CAMSAP1: variants seen among roughly 807,000 people sequenced by gnomAD.
CAMSAP1 encodes the protein calmodulin-regulated spectrin-associated protein 1.
CAMSAP1 carries 58 observed loss-of-function variants against 143.5 expected under a neutral mutation model. The observed-to-expected ratio is 0.40, with a 90% CI of 0.33 to 0.50. CAMSAP1 has a LOEUF of 0.50. Ranked by LOEUF, CAMSAP1 falls within the 20% of genes least tolerant of loss-of-function variation. The pLI is 0.45. For missense variants in CAMSAP1, 1,969 were observed against 2,115.7 expected, an observed-to-expected ratio of 0.93 and a Z score of 1.36; for synonymous variants, 945 against 859.3, an observed-to-expected ratio of 1.10 and a Z score of -1.74.
At chr9:135,874,868 G>C (rs1301520991) in intron 3 of CAMSAP1, among the ~76,000 whole-genome samples, 1 of 152,078 alleles carries the variant, frequency 6.6e-6, no homozygotes, top group African/African-American at 2.4e-5. Flanking sequence ...CTACGGACTA[G>C]TAACAAACAA....
At chr9:135,901,823 T>C (rs1452496010) in intron 1 of CAMSAP1, among the ~76,000 whole-genome samples, 1 of 152,134 alleles carries the variant, frequency 6.6e-6, no homozygotes, top group African/African-American at 2.4e-5. Flanking sequence ...CTGAGCACCA[T>C]AAACAATCTG....
intron 4 of CAMSAP1, 153 bp downstream of exon 4, chr9:135,866,303 G>A (rs1055109514): frequency 1.7e-6 from 1 of 589,742 alleles, no homozygotes; most frequent in African/African-American, 1.9e-5. Flanking sequence ...CTGAGGTGTG[G>A]AGAATCAGCC....
In CAMSAP1 at chr9:135,819,219, C is replaced by G. The variant is rs1835351844; in HGVS notation, c.3823-73G>C. ...CCGGACACGGCCGCACTCGACCCAG[C>G]AGCCGACTTCCACTACGCTTTTAAA... On this transcript the variant is annotated intron_variant, in intron 11 of 16. Transcript: ENST00000389532. 3.3e-6 allele frequency: 5 copies of G among 1,502,924 alleles called. No homozygotes were observed. The African/African-American group carries it at 5.6e-5, about 17-fold the overall frequency. The allele number at this position is 1,502,924 out of a possible 1,614,324, so 93.1% of individuals were successfully genotyped here.
intron 5 of CAMSAP1, among the ~76,000 whole-genome samples, chr9:135,858,011 T>G (rs759969688): frequency 3.9e-5 from 6 of 152,142 alleles, no homozygotes; most frequent in African/African-American, 1.4e-4. Flanking sequence ...TGAGCTCTCA[T>G]TGCTGGAGAC....
intron 1 of CAMSAP1, among the ~76,000 whole-genome samples, chr9:135,901,387 C>A (rs1485011754): frequency 6.6e-6 from 1 of 152,140 alleles, no homozygotes; most frequent in Non-Finnish European, 1.5e-5. Flanking sequence ...AGGAGCACTG[C>A]TTGAGCCCAG....
At position 135,883,096 on chromosome 9, in the gene CAMSAP1, T is replaced by C. The variant is rs1188157370; in HGVS notation, c.161-18A>G. 3.2e-6 allele frequency: 5 copies of C among 1,550,878 alleles called. No homozygotes were observed. Among genetic ancestry groups the C allele is most frequent in the Middle Eastern group, 3.4e-4 (2 of 5,908 alleles). ...GATGTTATCTAAGACAGGGAGGGGA[T>C]GACCAGGTGAGTGCCACACACAAGA... is the stretch of plus-strand genomic sequence containing the variant. On this transcript the variant is annotated intron_variant, in intron 1 of 16. Transcript: ENST00000389532.
At chr9:135,891,484 T>TGG (rs1838289691) in intron 1 of CAMSAP1, among the ~76,000 whole-genome samples, 1 of 152,196 alleles carries the variant, frequency 6.6e-6, no homozygotes, top group Non-Finnish European at 1.5e-5. Context: ...CTGTGGAAGC[T>TGG]GAACCAACAC....
At chr9:135,872,860 A>C (rs1293303000) in intron 3 of CAMSAP1, among the ~76,000 whole-genome samples, 1 of 152,234 alleles carries the variant, frequency 6.6e-6, no homozygotes, top group African/African-American at 2.4e-5. Flanking sequence ...CACAAAGTAA[A>C]AACTGACAGA....
intron 3 of CAMSAP1, among the ~76,000 whole-genome samples, chr9:135,875,748 C>A (rs1837723073): frequency 6.6e-6 from 1 of 152,076 alleles, no homozygotes; most frequent in Admixed American, 6.5e-5. Context: ...AAAAAATGAA[C>A]CTCAACCCTT....
chr9:135,855,800 C>T (rs868396733), intron 5 of CAMSAP1, among the ~76,000 whole-genome samples: 7 of 150,876 alleles, frequency 4.6e-5, no homozygotes, highest in Non-Finnish European at 1.0e-4. Flanking sequence ...CGCCTGTAAT[C>T]CCAGCACTTT....
intron 1 of CAMSAP1, among the ~76,000 whole-genome samples, chr9:135,895,104 G>T (rs1838402685): frequency 6.6e-6 from 1 of 152,150 alleles, no homozygotes; most frequent in Admixed American, 6.5e-5. Context: ...GAGCCTCCAA[G>T]ACCTGCGGGA....
chr9:135,847,075 C>T (rs950239063), intron 7 of CAMSAP1, among the ~76,000 whole-genome samples: 2 of 151,998 alleles, frequency 1.3e-5, no homozygotes, highest in African/African-American at 4.8e-5. Flanking sequence ...AGGCCGGGCA[C>T]GGTGGCTCAC....
At chr9:135,862,339 TC>T (rs2130932870) in intron 5 of CAMSAP1, 127 bp downstream of exon 5, 2 of 1,135,394 alleles carry the variant, frequency 1.8e-6, no homozygotes, top group South Asian at 3.5e-5. Context: ...TAGGCTAACA[TC>T]CCAATTTATA....
Position 135,820,340 on chromosome 9 carries a change from C to T in CAMSAP1, c.3822+499G>A, listed in dbSNP as rs998350509. The stretch of plus-strand genomic sequence containing the variant: ...TCATGTGACGCACTGACTATTAAAA[C>T]AGTTCAGTTTACGCTTCCCTTCATA... On this transcript the variant is annotated intron_variant, in intron 11 of 16. Transcript: ENST00000389532. This position sits in a 1 kb window ranked among gnomAD's most constrained non-coding sequence, Gnocchi z 4.4. Among the ~76,000 whole-genome samples, 5 of 152,172 alleles carry T rather than the reference C, an allele frequency of 3.3e-5. No homozygotes were observed. Among genetic ancestry groups the T allele is most frequent in the Non-Finnish European group, 7.4e-5 (5 of 68,024 alleles).
chr9:135,820,856 C>A lies in CAMSAP1; in HGVS notation c.3805G>T (p.Val1269Phe), dbSNP rs768569384. ...LVSEGDQKPG[V>F]GFFFKDEQKA... ...TCCCTTACCTTGAAGAAGAAGCCGA[C>A]CCCCGGCTTCTGGTCGCCTTCGCTG... is the stretch of plus-strand genomic sequence containing the variant. Residue 1269 changes from valine (V) to phenylalanine (F), a missense_variant, in exon 11 of 17, where the codon GTC (valine) becomes TTC (phenylalanine). Around this residue, in one of 4 missense-constraint regions of CAMSAP1, gnomAD observed 1,390 missense variants for 1,420.8 expected, o/e 0.98. Transcript: ENST00000389532. The surrounding 1 kb of genome is among the most constrained non-coding windows in gnomAD (Gnocchi z 4.4). 1.2e-6 allele frequency: 2 copies of A among 1,613,122 alleles called. No individual in the cohort carries two copies. Among genetic ancestry groups the A allele is most frequent in the South Asian group, 1.1e-5 (1 of 91,058 alleles).
At chr9:135,843,818 C>G (rs113822819) in intron 7 of CAMSAP1, among the ~76,000 whole-genome samples, 3,182 of 143,774 alleles carry the variant, frequency 0.022, 127 homozygotes, top group African/African-American at 0.078. Context: ...AGCTTGCAGT[C>G]AGCCAAGATC....
At chr9:135,817,266 C>T (rs1264968590) in intron 14 of CAMSAP1, among the ~76,000 whole-genome samples, 1 of 152,166 alleles carries the variant, frequency 6.6e-6, no homozygotes, top group Non-Finnish European at 1.5e-5. Flanking sequence ...GACCGCAAAT[C>T]GGATGAAAGT....
Position 135,867,475 on chromosome 9 carries a change from C to CACCCT in CAMSAP1, c.586-940_586-939insAGGGT, listed in dbSNP as rs1491489651. Among the ~76,000 whole-genome samples the CACCCT allele has an allele frequency of 2.0e-4, 29 of 145,352 alleles. 1 individual carries two copies. Among genetic ancestry groups the CACCCT allele is most frequent in the Non-Finnish European group, 4.1e-4 (27 of 65,776 alleles). On this transcript the variant is annotated intron_variant, in intron 3 of 16. Transcript: ENST00000389532. ...GCCTAGGCAACACAGCAAGACCCCC[C>CACCCT]TCTTTTTTTTTTTTAAAAAAAAAGT...
At chr9:135,860,980 G>A (rs1242154901) in intron 5 of CAMSAP1, among the ~76,000 whole-genome samples, 7 of 152,120 alleles carry the variant, frequency 4.6e-5, no homozygotes, top group Non-Finnish European at 1.0e-4. Context: ...GTATTCCCAC[G>A]CCACATGGGT....
Sources: gnomAD v4.1 joint callset for allele counts (sites outside exome capture counted in the v4.1 genomes callset) on GRCh38, gnomAD v4.1.1 for gene constraint, gnomAD v4.1.1 regional missense constraint, Gnocchi (gnomAD v3.1) non-coding constraint, MANE v1.5 for transcripts, NCBI Gene and HGNC (gene_info 2026-07-23, HGNC 2026-07-21) for gene names.